ACAD11: variants seen among roughly 807,000 people sequenced by gnomAD.
The protein encoded by ACAD11 is acyl-Coenzyme A dehydrogenase family, member 11.
In ACAD11, 83 loss-of-function variants were observed where a neutral mutation model predicts 102.2. That is an observed-to-expected ratio of 0.81 (90% CI 0.68 to 0.97). The LOEUF (loss-of-function observed/expected upper bound fraction) is 0.97, where lower values mean the gene tolerates loss of function less well. Among genes scored for constraint, ACAD11 ranks in the 50% least tolerant of loss-of-function variants. ACAD11 has a pLI of 0.00. For missense variants in ACAD11, 901 were observed against 951.7 expected (o/e 0.95, Z 0.70); for synonymous variants, 324 against 319.8 (o/e 1.01, Z -0.14).
chr3:132,659,485 A>C, intron 1 of ACAD11, 118 bp downstream of exon 1: 2 of 1,438,798 alleles, frequency 1.4e-6, no homozygotes, highest in East Asian at 4.8e-5. Flanking sequence ...GGGTGCGTCC[A>C]CTGACTGCAG....
intron 7 of ACAD11, among the ~76,000 whole-genome samples, chr3:132,628,778 A>C (rs577004055): frequency 1.3e-5 from 2 of 152,314 alleles, no homozygotes; most frequent in African/African-American, 4.8e-5. Context: ...AATGGGGGAA[A>C]ATCTAAAGAA....
At chr3:132,571,600 C>T (rs930775204) in intron 17 of ACAD11, among the ~76,000 whole-genome samples, 3 of 152,054 alleles carry the variant, frequency 2.0e-5, no homozygotes, top group African/African-American at 7.2e-5. Context: ...AATGGCATTG[C>T]GTAGGTTGTC....
intron 13 of ACAD11, among the ~76,000 whole-genome samples, chr3:132,590,830 C>A (rs1938043871): frequency 6.6e-6 from 1 of 152,160 alleles, no homozygotes; most frequent in Non-Finnish European, 1.5e-5. Flanking sequence ...CTGTTCATGT[C>A]ATTCGCCCAC....
At position 132,559,075 on chromosome 3, in the gene ACAD11, T is replaced by C; in HGVS notation, c.2239A>G (p.Thr747Ala). Residue 747 changes from threonine (T) to alanine (A), a missense_variant, in exon 20 of 20, where the codon ACC becomes GCC. By Grantham distance (58) the Thr-to-Ala change is moderately conservative. Coordinates refer to ENST00000264990, the MANE Select transcript of ACAD11 (RefSeq NM_032169.5). ...DYPLANMYAI[T>A]RVLRLADGPD... is the part of the protein sequence containing the mutation. Reference sequence around the variant, plus strand: ...CCATCTGCTAAACGCAAAACTCGGGTTATAGCATACCTGAAAAAGCAAAAG... The same window carrying C: ...CCATCTGCTAAACGCAAAACTCGGGCTATAGCATACCTGAAAAAGCAAAAG... 6.2e-7 allele frequency: 1 copy of C among 1,612,540 alleles called. No individual in the cohort carries two copies. Among genetic ancestry groups the C allele is most frequent in the Non-Finnish European group, 8.5e-7 (1 of 1,178,816 alleles).
Position 132,603,276 on chromosome 3 carries a change from C to A in ACAD11, c.1574G>T (p.Arg525Leu). 6.2e-7 allele frequency: 1 copy of A among 1,614,038 alleles called. No homozygotes were observed. The highest frequency in any genetic ancestry group is 8.5e-7 in the Non-Finnish European group (1 of 1,179,928). ...GTTAATTACATAGCTATCTTCATCT[C>A]GTTGGATGCTGCATTCAATATTCGT... ...DATNIECSIQ[R>L]DEDSYVINGK... Residue 525 changes from arginine to leucine, a missense_variant, in exon 13 of 20, where the codon CGA becomes CTA. By Grantham distance (102) the Arg-to-Leu change is moderately radical. Transcript: ENST00000264990.
chr3:132,574,558 AATAC>A (rs1329546524), intron 17 of ACAD11, among the ~76,000 whole-genome samples: 2 of 152,232 alleles, frequency 1.3e-5, no homozygotes, highest in African/African-American at 4.8e-5. Flanking sequence ...TAAGGTAAAA[AATAC>A]ATACTGCAAA....
chr3:132,577,736 C>A (rs1937543104), intron 15 of ACAD11, among the ~76,000 whole-genome samples: 1 of 152,208 alleles, frequency 6.6e-6, no homozygotes, highest in Non-Finnish European at 1.5e-5. Flanking sequence ...CTTCTCCACA[C>A]TGTTTCTTTT....
intron 8 of ACAD11, among the ~76,000 whole-genome samples, chr3:132,627,403 G>A (rs1268761861): frequency 2.0e-5 from 3 of 152,162 alleles, no homozygotes; most frequent in East Asian, 1.9e-4. Context: ...AAAAAATCCC[G>A]CTTCATTAGT....
At chr3:132,565,811 G>A (rs1194112950) in intron 17 of ACAD11, among the ~76,000 whole-genome samples, 1 of 152,124 alleles carries the variant, frequency 6.6e-6, no homozygotes, top group Non-Finnish European at 1.5e-5. Flanking sequence ...GTTGCCACGT[G>A]ATGTGCTGGC....
chr3:132,595,923 T>C (rs543874170), intron 13 of ACAD11, among the ~76,000 whole-genome samples: 22 of 152,308 alleles, frequency 1.4e-4, no homozygotes, highest in Admixed American at 7.2e-4. Flanking sequence ...ATTCCATTAC[T>C]GGGTATATAC....
intron 18 of ACAD11, among the ~76,000 whole-genome samples, chr3:132,560,447 C>G (rs10804607): frequency 0.099 from 15,014 of 152,084 alleles, 1,471 homozygotes; most frequent in East Asian, 0.54. Flanking sequence ...ACTCTGTCAC[C>G]CAGAATAGAG....
At chr3:132,603,166 C>T in intron 13 of ACAD11, 63 bp downstream of exon 13, 1 of 1,303,670 alleles carries the variant, frequency 7.7e-7, no homozygotes, top group Admixed American at 1.7e-5. Context: ...TAGCAATATT[C>T]TAGCATAGCA....
chr3:132,654,253 A>C (rs1937660970), intron 1 of ACAD11, among the ~76,000 whole-genome samples: 1 of 152,234 alleles, frequency 6.6e-6, no homozygotes, highest in African/African-American at 2.4e-5. Context: ...ATATGTTGTT[A>C]AGTGATTTTT....
At chr3:132,563,695 A>G (rs575408275) in intron 17 of ACAD11, among the ~76,000 whole-genome samples, 1 of 152,040 alleles carries the variant, frequency 6.6e-6, no homozygotes, top group South Asian at 2.1e-4. Context: ...GTTCCTTAGG[A>G]TTTTCTATAC....
chr3:132,659,616 T>C lies in ACAD11; in HGVS notation c.136A>G (p.Ile46Val). 1 of 1,610,510 alleles carries C rather than the reference T, an allele frequency of 6.2e-7. No homozygotes were observed. Residue 46 changes from isoleucine to valine, a missense_variant, in exon 1 of 20, where the codon ATT becomes GTT. Ile to Val is a conservative substitution (Grantham distance 29, BLOSUM62 3). Coordinates refer to ENST00000264990, the MANE Select transcript of ACAD11 (RefSeq NM_032169.5). ...TGACATCCATACCTGTACTGGGCAA[T>C]GGTCAGCGTAGCCTCACGTTCGGCC... Reference protein sequence around the residue: ...FGAEREATLTIAQYRAGKSNP... With the variant: ...FGAEREATLTVAQYRAGKSNP...
chr3:132,600,785 C>G (rs1414507544), intron 13 of ACAD11: 2 of 1,613,916 alleles, frequency 1.2e-6, no homozygotes, highest in Non-Finnish European at 1.7e-6. Flanking sequence ...AATGCAGTTT[C>G]TGGCTTGTAT....
intron 6 of ACAD11, 105 bp from the exon 7 acceptor site, chr3:132,630,663 T>C (rs1236475666): frequency 5.4e-6 from 5 of 923,952 alleles, no homozygotes; most frequent in Admixed American, 3.1e-5. Context: ...GTAATAACCA[T>C]TAGCCCTTAC....
intron 13 of ACAD11, among the ~76,000 whole-genome samples, chr3:132,594,388 A>G (rs1220993490): frequency 6.6e-6 from 1 of 152,196 alleles, no homozygotes; most frequent in Non-Finnish European, 1.5e-5. Flanking sequence ...TATAAGAGAT[A>G]AGATGATAAA....
In ACAD11 at chr3:132,639,497, T is replaced by C. The variant is rs573889220; in HGVS notation, c.697A>G (p.Lys233Glu). 2 of 1,613,200 alleles carry C rather than the reference T, an allele frequency of 1.2e-6. No individual in the cohort carries two copies. Among genetic ancestry groups the C allele is most frequent in the African/African-American group, 2.7e-5 (2 of 74,974 alleles). The change falls in exon 5 of 20, where the codon AAA (lysine) becomes GAA (glutamate). Residue 233 changes from lysine (K) to glutamate (E), a missense_variant. Coordinates refer to ENST00000264990, the MANE Select transcript of ACAD11 (RefSeq NM_032169.5). ...FRLDNIVFHP[K>E]ECRVIAVLDW... is the part of the protein sequence containing the mutation. ...GTAAACATAGCTAACTGTACCTCTTTAGGGTGGAAAACTATGTTATCTAGT... is the reference window on the plus strand; with the variant it reads ...GTAAACATAGCTAACTGTACCTCTTCAGGGTGGAAAACTATGTTATCTAGT...
Sources: allele counts gnomAD v4.1 joint callset (sites outside exome capture counted in the v4.1 genomes callset), GRCh38; gene constraint gnomAD v4.1.1; transcripts MANE v1.5; gene names NCBI Gene and HGNC (gene_info 2026-07-23, HGNC 2026-07-21).